TMPRSS6: variants seen among roughly 807,000 people sequenced by gnomAD.
The protein encoded by TMPRSS6 is transmembrane protease serine 6.
Under a neutral mutation model 101.5 loss-of-function variants are expected in TMPRSS6, and 67 were observed. The ratio of observed to expected loss-of-function variants is 0.66; its 90% CI spans 0.54 to 0.81. The LOEUF (loss-of-function observed/expected upper bound fraction) is 0.81. TMPRSS6 is among the 30% of genes least tolerant of loss of function. The pLI is 0.00. For synonymous variants in TMPRSS6, 453 were observed against 464.9 expected (o/e 0.97, Z 0.33); for missense variants, 1,034 against 1,088.7 (o/e 0.95, Z 0.71).
intron 8 of TMPRSS6, among the ~76,000 whole-genome samples, chr22:37,085,459 C>T (rs570949916): frequency 1.3e-5 from 2 of 152,320 alleles, no homozygotes; most frequent in South Asian, 4.1e-4. Context: ...TGGGGATAAA[C>T]CGAGAAGAGG....
intron 2 of TMPRSS6, among the ~76,000 whole-genome samples, chr22:37,100,991 G>A (rs1458326608): frequency 6.6e-6 from 1 of 152,198 alleles, no homozygotes; most frequent in East Asian, 1.9e-4. Context: ...AGCAACCTGG[G>A]ATGTTGGCGA....
At chr22:37,072,112 C>CGGATGATGGAT (rs1293212260) in intron 13 of TMPRSS6, among the ~76,000 whole-genome samples, 1 of 98,642 alleles carries the variant, frequency 1.0e-5, no homozygotes, top group Admixed American at 1.1e-4. Context: ...GATGGATGGA[C>CGGATGATGGAT]GGATGATGGA....
At chr22:37,073,973 T>C (rs1263719317) in intron 12 of TMPRSS6, among the ~76,000 whole-genome samples, 1 of 152,150 alleles carries the variant, frequency 6.6e-6, no homozygotes, top group Non-Finnish European at 1.5e-5. Context: ...GATCTTGAAC[T>C]CCTGACCTCA....
rs1456662805 is a variant in TMPRSS6, at chr22:37,078,989, G to GAAAGAAAGAAAGAA, written c.1197-3723_1197-3710dup. On this transcript the variant is annotated intron_variant, in intron 10 of 17. Coordinates refer to ENST00000676104, the MANE Select transcript of TMPRSS6 (RefSeq NM_001374504.1). Reference sequence around the variant, plus strand: ...AAAGAAAGAAAAAGAAAGAAAGAAAGAAAGAAAGAAAGAAAGAAAGAAAGA... The same window carrying GAAAGAAAGAAAGAA: ...AAAGAAAGAAAAAGAAAGAAAGAAAGAAAGAAAGAAAGAAAAAGAAAGAAAGAAAGAAAGAAAGA... Among the ~76,000 whole-genome samples, 6 of 148,404 alleles carry GAAAGAAAGAAAGAA rather than the reference G, an allele frequency of 4.0e-5. No homozygotes were observed. In the East Asian group the frequency reaches 7.8e-4, roughly 19 times the overall value.
chr22:37,103,310 T>C lies in TMPRSS6; in HGVS notation c.108A>G (p.Arg36=), dbSNP rs1243280572. ...GMFKACEDSK[R]KARGYLRLVP... Reference sequence around the variant, plus strand: ...CCAGGCGGAGGTAGCCCCGGGCTTTTCTCTTGGAGTCCTCACAGGCCTTGA... The same window carrying C: ...CCAGGCGGAGGTAGCCCCGGGCTTTCCTCTTGGAGTCCTCACAGGCCTTGA... The change falls in exon 2 of 18, where the codon AGA becomes AGG. Residue 36 remains arginine, a synonymous_variant. Coordinates refer to ENST00000676104, the MANE Select transcript of TMPRSS6 (RefSeq NM_001374504.1). This position sits in a 1 kb window ranked among gnomAD's most constrained non-coding sequence, Gnocchi z 4.4. 1 of 1,614,160 alleles carries C rather than the reference T, an allele frequency of 6.2e-7. No homozygotes were observed.
intron 17 of TMPRSS6, 107 bp from the exon 18 acceptor site, chr22:37,066,345 CAG>C: frequency 8.6e-7 from 1 of 1,164,826 alleles, no homozygotes; most frequent in Non-Finnish European, 1.2e-6. Flanking sequence ...GACTGGGTGC[CAG>C]AGTCACGTTC....
Position 37,089,568 on chromosome 22 carries a change from A to G in TMPRSS6, c.836+10T>C. The G allele has an allele frequency of 1.0e-6, 1 of 1,000,214 alleles. No individual in the cohort carries two copies. Among genetic ancestry groups the G allele is most frequent in the South Asian group, 1.3e-5 (1 of 74,286 alleles). 62.0% of individuals were successfully genotyped at this position (1,000,214 alleles called of 1,614,324 possible). A position where few individuals can be genotyped will look rare whatever the true frequency, so the allele number is the denominator to read the frequency against. ...AGCCCTCCCTCCTGCCCTCCTTCCC[A>G]GGGACTCACGAGGTGATGAGCCTCT... On this transcript the variant is annotated intron_variant, in intron 7 of 17. Coordinates refer to ENST00000676104, the MANE Select transcript of TMPRSS6 (RefSeq NM_001374504.1).
chr22:37,077,616 G>A (rs1177091214), intron 10 of TMPRSS6, among the ~76,000 whole-genome samples: 6 of 152,160 alleles, frequency 3.9e-5, no homozygotes, highest in Non-Finnish European at 5.9e-5. Flanking sequence ...CGAAGGTCCC[G>A]CCTGTAGTCT....
chr22:37,098,573 G>T lies in TMPRSS6; in HGVS notation c.203-24C>A, dbSNP rs1930034494. 5 of 1,613,980 alleles carry T rather than the reference G, an allele frequency of 3.1e-6. No homozygotes were observed. In the African/African-American group the frequency reaches 4.0e-5, roughly 13 times the overall value. ...CCCTGCCCAGGAAGGAACCAGCAGG[G>T]TTAGTGGAGGAAGCAGGTGGGAAAG... is the stretch of plus-strand genomic sequence containing the variant. On this transcript the variant is annotated intron_variant, in intron 2 of 17. Transcript: ENST00000676104.
chr22:37,066,723 A>G, intron 17 of TMPRSS6, 103 bp downstream of exon 17: 1 of 1,504,738 alleles, frequency 6.6e-7, no homozygotes, highest in South Asian at 1.2e-5. Flanking sequence ...TGCTGGGAGG[A>G]TGGGAGGCTT....
At chr22:37,070,462 G>A in intron 15 of TMPRSS6, 22 bp downstream of exon 15, 1 of 1,613,120 alleles carries the variant, frequency 6.2e-7, no homozygotes, top group Middle Eastern at 1.6e-4. Flanking sequence ...TACTGCCTAG[G>A]CCCCCACACC....
At chr22:37,102,532 G>A (rs756284466) in intron 2 of TMPRSS6, among the ~76,000 whole-genome samples, 1 of 152,226 alleles carries the variant, frequency 6.6e-6, no homozygotes, top group Non-Finnish European at 1.5e-5. Flanking sequence ...TTCCATGAAT[G>A]AATGAACGGA....
Position 37,066,249 on chromosome 22 carries a change from G to A in TMPRSS6, c.2251-11C>T, listed in dbSNP as rs983430870. ...ACCACCTGAGTCACCCTGAAAGGGG[G>A]AAAGGAGAAAGGACTGAAGCAGGGT... On this transcript the variant is annotated splice_polypyrimidine_tract_variant and intron_variant, in intron 17 of 17. Coordinates refer to ENST00000676104, the MANE Select transcript of TMPRSS6 (RefSeq NM_001374504.1). The A allele has an allele frequency of 1.9e-6, 3 of 1,604,256 alleles. No individual in the cohort carries two copies. Among genetic ancestry groups the A allele is most frequent in the Non-Finnish European group, 2.6e-6 (3 of 1,174,894 alleles).
At chr22:37,081,711 T>C (rs998840391) in intron 10 of TMPRSS6, among the ~76,000 whole-genome samples, 3 of 152,128 alleles carry the variant, frequency 2.0e-5, no homozygotes, top group Non-Finnish European at 2.9e-5. Flanking sequence ...CAGCCACCGC[T>C]TGGCTACACC....
intron 6 of TMPRSS6, 150 bp downstream of exon 6, chr22:37,095,401 C>T (rs372356300): frequency 7.3e-5 from 69 of 945,532 alleles, no homozygotes; most frequent in African/African-American, 4.6e-4. Context: ...TGGGACACAT[C>T]GCTGAGTCCA....
At chr22:37,071,863 CAG>C (rs1304276983) in intron 13 of TMPRSS6, among the ~76,000 whole-genome samples, 3 of 152,064 alleles carry the variant, frequency 2.0e-5, no homozygotes, top group African/African-American at 7.2e-5. Flanking sequence ...AGTGGACAGA[CAG>C]GGGGCTAGGG....
At chr22:37,081,583 C>A (rs1766203293) in intron 10 of TMPRSS6, among the ~76,000 whole-genome samples, 1 of 152,164 alleles carries the variant, frequency 6.6e-6, no homozygotes, top group Non-Finnish European at 1.5e-5. Flanking sequence ...GGGATCCATG[C>A]AAACCCTGAT....
Position 37,065,987 on chromosome 22 carries a change from A to G in TMPRSS6, c.*93T>C. On this transcript the variant is annotated 3_prime_UTR_variant, in exon 18 of 18. Coordinates refer to ENST00000676104, the MANE Select transcript of TMPRSS6 (RefSeq NM_001374504.1). ...CACCACAGGGCCTGCTCTCTCCCCCACCCCCCGCCAGAATACTTGTCCCCC... is the reference window on the plus strand; with the variant it reads ...CACCACAGGGCCTGCTCTCTCCCCCGCCCCCCGCCAGAATACTTGTCCCCC... The G allele has an allele frequency of 7.4e-7, 1 of 1,359,766 alleles. No homozygotes were observed. The highest frequency in any genetic ancestry group is 1.0e-6 in the Non-Finnish European group (1 of 979,188). 84.2% of individuals were successfully genotyped at this position (1,359,766 alleles called of 1,614,324 possible). A position where few individuals can be genotyped will look rare whatever the true frequency, so the allele number is the denominator to read the frequency against.
chr22:37,086,427 A>G lies in TMPRSS6; in HGVS notation c.837-8T>C, dbSNP rs1445589368. 1 of 1,574,648 alleles carries G rather than the reference A, an allele frequency of 6.4e-7. No homozygotes were observed. Among genetic ancestry groups the G allele is most frequent in the South Asian group, 1.2e-5 (1 of 86,478 alleles). ...CGGCTGCAGCCGTACACCCTGGCAG[A>G]ACAGAAAGGTGGCAAGGCTGGGCTG... On this transcript the variant is annotated splice_region_variant and splice_polypyrimidine_tract_variant and intron_variant, in intron 7 of 17. Transcript: ENST00000676104.
Sources: allele counts gnomAD v4.1 joint callset (sites outside exome capture counted in the v4.1 genomes callset), GRCh38; gene constraint gnomAD v4.1.1; non-coding constraint Gnocchi (gnomAD v3.1); transcripts MANE v1.5; gene names NCBI Gene and HGNC (gene_info 2026-07-23, HGNC 2026-07-21).